Variants in TSPAN5 observed in about 807,000 individuals in gnomAD.
The protein encoded by TSPAN5 is tetraspanin 5.
In TSPAN5, 10 loss-of-function variants were observed where a neutral mutation model predicts 37.1. That is an observed-to-expected ratio of 0.27 (90% confidence interval 0.17 to 0.46). TSPAN5 has a LOEUF of 0.46. TSPAN5 is among the 20% of genes least tolerant of loss of function. TSPAN5 has a pLI of 1.00. For missense variants in TSPAN5, 195 were observed against 326.6 expected, an observed-to-expected ratio of 0.60 and a Z score of 3.11; for synonymous variants, 110 against 118.9, an observed-to-expected ratio of 0.93 and a Z score of 0.48.
chr4:98,598,263 C>G (rs1364184182), intron 1 of TSPAN5, among the ~76,000 whole-genome samples: 1 of 142,984 alleles, frequency 7.0e-6, no homozygotes, highest in Non-Finnish European at 1.5e-5. Context: ...CTTGCGCTTC[C>G]CAGGTGAGGC....
rs1345451873 is a variant in TSPAN5 at position 98,472,506 on chromosome 4, A to T, written c.*16T>A. The T allele has an allele frequency of 6.2e-7, 1 of 1,613,742 alleles. No individual in the cohort carries two copies. Among genetic ancestry groups the T allele is most frequent in the Non-Finnish European group, 8.5e-7 (1 of 1,179,774 alleles). On this transcript the variant is annotated 3_prime_UTR_variant, in exon 8 of 8. Coordinates refer to ENST00000305798, the MANE Select transcript of TSPAN5 (RefSeq NM_005723.4). ...CTGGGTCTGTCCAGTGTCTTGCAGC[A>T]GCGGTTGCAGGGGGTCTACCAGCTC...
intron 1 of TSPAN5, among the ~76,000 whole-genome samples, chr4:98,515,371 T>C (rs1052442898): frequency 2.6e-5 from 4 of 152,306 alleles, no homozygotes; most frequent in Middle Eastern, 3.4e-3. Context: ...TTGTCATTAA[T>C]ATCAGTTCCT....
In TSPAN5 at chr4:98,470,970, G is replaced by C. The variant is rs1377050958; in HGVS notation, c.*1552C>G. The C allele has an allele frequency of 6.6e-6, 1 of 152,148 alleles. No individual in the cohort carries two copies. The highest frequency in any genetic ancestry group is 1.9e-4 in the East Asian group (1 of 5,188). The allele number at this position is 152,148 out of a possible 1,614,324, so 9.4% of individuals were successfully genotyped here. A position where few individuals can be genotyped will look rare whatever the true frequency, so the allele number is the denominator to read the frequency against. On this transcript the variant is annotated 3_prime_UTR_variant, in exon 8 of 8. Coordinates refer to ENST00000305798, the MANE Select transcript of TSPAN5 (RefSeq NM_005723.4). ...CCCAGAGTTCCACAGACTGATATCT[G>C]CTCCCCAGGAGGGCAACATCCGGTG... is the stretch of plus-strand genomic sequence containing the variant.
intron 2 of TSPAN5, among the ~76,000 whole-genome samples, chr4:98,504,912 G>A (rs188626835): frequency 6.6e-6 from 1 of 152,262 alleles, no homozygotes; most frequent in East Asian, 1.9e-4. Flanking sequence ...AGTTCTGGAT[G>A]CTGGGAAGTC....
rs563994965 is a variant in TSPAN5, at chr4:98,564,108, T to C, written c.82-56380A>G. 2.0e-5 allele frequency among the ~76,000 whole-genome samples: 3 copies of C among 152,304 alleles called. No individual in the cohort carries two copies. In the South Asian group the frequency reaches 6.2e-4, roughly 32 times the overall value. On this transcript the variant is annotated intron_variant, in intron 1 of 7. Transcript: ENST00000305798. ...CAGTTATCACACTATATTGAAGAAA[T>C]GGGCAACAATTTCACTTTTCCCCAG...
chr4:98,612,104 TC>T (rs1191601497), intron 1 of TSPAN5, among the ~76,000 whole-genome samples: 28 of 152,340 alleles, frequency 1.8e-4, no homozygotes, highest in African/African-American at 6.7e-4. Flanking sequence ...CTGCCAGAAT[TC>T]CCTCGCTGGA....
rs185386111 is a variant in TSPAN5 at position 98,615,859 on chromosome 4, G to T, written c.81+42287C>A. 2.8e-3 allele frequency among the ~76,000 whole-genome samples: 434 copies of T among 152,292 alleles called. 2 individuals carry two copies. Among genetic ancestry groups the T allele is most frequent in the African/African-American group, 9.7e-3 (403 of 41,566 alleles). ...CACTTACAATGAGGGGCAACAGGTG[G>T]AATTAAAGGAGAAATGGCCAAATCT... On this transcript the variant is annotated intron_variant, in intron 1 of 7. Transcript: ENST00000305798.
rs187292095 is a variant in TSPAN5, at chr4:98,598,601, A to G, written c.81+59545T>C. On this transcript the variant is annotated intron_variant, in intron 1 of 7. Coordinates refer to ENST00000305798, the MANE Select transcript of TSPAN5 (RefSeq NM_005723.4). Reference sequence around the variant, plus strand: ...CACCTCAGCCTCCCAAGTAGCTGGCACTACAGGTGCGTGCCACTATACCCA... The same window carrying G: ...CACCTCAGCCTCCCAAGTAGCTGGCGCTACAGGTGCGTGCCACTATACCCA... 2.0e-5 allele frequency among the ~76,000 whole-genome samples: 3 copies of G among 152,174 alleles called. No homozygotes were observed. The East Asian group carries it at 5.8e-4, about 29-fold the overall frequency.
intron 1 of TSPAN5, among the ~76,000 whole-genome samples, chr4:98,624,315 T>C (rs1334816387): frequency 6.6e-6 from 1 of 151,690 alleles, no homozygotes; most frequent in African/African-American, 2.4e-5. Context: ...TACCACACTA[T>C]GCCTTCATGG....
At position 98,580,888 on chromosome 4, in the gene TSPAN5, T is replaced by C. The variant is rs113697800; in HGVS notation, c.82-73160A>G. On this transcript the variant is annotated intron_variant, in intron 1 of 7. Coordinates refer to ENST00000305798, the MANE Select transcript of TSPAN5 (RefSeq NM_005723.4). ...CTGACAGAGTCTGATTCCTATAGTC[T>C]TTTCCCTCTCTAATTTCTGTGGAAA... Among the ~76,000 whole-genome samples, 649 of 152,240 alleles carry C rather than the reference T, an allele frequency of 4.3e-3. 8 individuals carry two copies. The highest frequency in any genetic ancestry group is 0.015 in the African/African-American group (630 of 41,536).
intron 1 of TSPAN5, among the ~76,000 whole-genome samples, chr4:98,625,130 G>A (rs965699703): frequency 6.6e-6 from 1 of 152,186 alleles, no homozygotes; most frequent in Non-Finnish European, 1.5e-5. Context: ...TTCTGTAAGA[G>A]CCCTATGGGC....
chr4:98,526,510 T>C (rs1753967413), intron 1 of TSPAN5, among the ~76,000 whole-genome samples: 1 of 152,230 alleles, frequency 6.6e-6, no homozygotes, highest in Non-Finnish European at 1.5e-5. Context: ...TGTTCACAGG[T>C]TGATAAATGA....
intron 1 of TSPAN5, among the ~76,000 whole-genome samples, chr4:98,582,360 A>C (rs981938310): frequency 6.6e-6 from 1 of 151,818 alleles, no homozygotes; most frequent in Middle Eastern, 3.4e-3. Flanking sequence ...GCTGACCAGG[A>C]TGCTGAGCCT....
chr4:98,487,094 GAGAA>G (rs894895924), intron 2 of TSPAN5, among the ~76,000 whole-genome samples: 1 of 131,112 alleles, frequency 7.6e-6, no homozygotes, highest in African/African-American at 2.8e-5. Context: ...GAGAAAGAGA[GAGAA>G]AGAGAAAAGA....
chr4:98,628,049 G>C (rs1319072568), intron 1 of TSPAN5, among the ~76,000 whole-genome samples: 1 of 152,166 alleles, frequency 6.6e-6, no homozygotes, highest in Non-Finnish European at 1.5e-5. Flanking sequence ...ACAAACACCA[G>C]TGCAATAATA....
chr4:98,541,383 A>C (rs6532742), intron 1 of TSPAN5, among the ~76,000 whole-genome samples: 94,533 of 151,942 alleles, frequency 0.62, 29,822 homozygotes, highest in South Asian at 0.79. Flanking sequence ...CCATAAGAAA[A>C]TGTGGGATAG....
At chr4:98,600,294 T>A (rs1755854921) in intron 1 of TSPAN5, among the ~76,000 whole-genome samples, 1 of 152,172 alleles carries the variant, frequency 6.6e-6, no homozygotes, top group African/African-American at 2.4e-5. Context: ...GCTGTGGCAA[T>A]TTCTTAAAAT....
chr4:98,527,170 G>T (rs535431080), intron 1 of TSPAN5, among the ~76,000 whole-genome samples: 1 of 152,126 alleles, frequency 6.6e-6, no homozygotes, highest in Non-Finnish European at 1.5e-5. Context: ...GAATCAGACA[G>T]GTTATATAAC....
chr4:98,642,448 G>T (rs1165383451), intron 1 of TSPAN5, among the ~76,000 whole-genome samples: 2 of 152,104 alleles, frequency 1.3e-5, no homozygotes, highest in Non-Finnish European at 2.9e-5. Flanking sequence ...CTGCTTATGT[G>T]TTAGTTTCTA....
Sources: gnomAD v4.1 joint callset for allele counts (sites outside exome capture counted in the v4.1 genomes callset) on GRCh38, gnomAD v4.1.1 for gene constraint, MANE v1.5 for transcripts, NCBI Gene and HGNC (gene_info 2026-07-23, HGNC 2026-07-21) for gene names.